Variants in AFG1L observed in about 807,000 individuals in gnomAD.
AFG1L encodes AFG1-like ATPase.
In AFG1L, 53 loss-of-function variants were observed where a neutral mutation model predicts 62.2. The observed-to-expected ratio is 0.85, with a 90% CI of 0.68 to 1.07. The LOEUF (loss-of-function observed/expected upper bound fraction) is 1.07. Among genes scored for constraint, AFG1L ranks in the 50% least tolerant of loss-of-function variants. The pLI, the probability that AFG1L is intolerant of heterozygous loss-of-function variation, is 0.00. For synonymous variants in AFG1L, 228 were observed against 210.3 expected (o/e 1.08, Z -0.73); for missense variants, 555 against 590.5 (o/e 0.94, Z 0.62).
intron 7 of AFG1L, among the ~76,000 whole-genome samples, chr6:108,429,007 T>C (rs1396000225): frequency 6.6e-6 from 1 of 152,176 alleles, no homozygotes; most frequent in African/African-American, 2.4e-5. Context: ...CCTATGCCAA[T>C]GTCCAGAAGA....
intron 7 of AFG1L, among the ~76,000 whole-genome samples, chr6:108,412,650 A>G (rs1273091518): frequency 2.6e-5 from 4 of 152,242 alleles, no homozygotes; most frequent in Admixed American, 1.3e-4. Context: ...CCAGAATTTT[A>G]TATCCAGCCA....
intron 1 of AFG1L, among the ~76,000 whole-genome samples, chr6:108,295,484 A>T (rs2114805389): frequency 6.6e-6 from 1 of 152,074 alleles, no homozygotes; most frequent in African/African-American, 2.4e-5. Context: ...TAGAGAGCTG[A>T]ACCTAGTGGG....
At chr6:108,371,689 T>C (rs1780015266) in intron 6 of AFG1L, among the ~76,000 whole-genome samples, 1 of 152,136 alleles carries the variant, frequency 6.6e-6, no homozygotes, top group Non-Finnish European at 1.5e-5. Context: ...GTTTTTAGCT[T>C]TCTCTTTGTT....
chr6:108,454,597 G>C (rs1772180884), intron 8 of AFG1L, among the ~76,000 whole-genome samples: 1 of 152,112 alleles, frequency 6.6e-6, no homozygotes, highest in South Asian at 2.1e-4. Context: ...GTAAATCAAA[G>C]GTCAGTTTCC....
intron 7 of AFG1L, among the ~76,000 whole-genome samples, chr6:108,406,102 A>G (rs1371152534): frequency 6.6e-6 from 1 of 152,178 alleles, no homozygotes; most frequent in Non-Finnish European, 1.5e-5. Flanking sequence ...TTTGTGTACA[A>G]ATATCTGTTT....
chr6:108,404,137 T>A (rs919352748), intron 7 of AFG1L, among the ~76,000 whole-genome samples: 1 of 152,176 alleles, frequency 6.6e-6, no homozygotes, highest in Non-Finnish European at 1.5e-5. Flanking sequence ...AATATTAACT[T>A]AAGTGACTTT....
intron 6 of AFG1L, among the ~76,000 whole-genome samples, chr6:108,370,391 A>G (rs934722857): frequency 1.1e-4 from 16 of 152,076 alleles, no homozygotes; most frequent in African/African-American, 3.9e-4. Context: ...ATAAGGGTAT[A>G]AGGCAGTGAT....
intron 8 of AFG1L, among the ~76,000 whole-genome samples, chr6:108,475,804 T>C (rs995186571): frequency 1.3e-5 from 2 of 152,236 alleles, no homozygotes; most frequent in Non-Finnish European, 2.9e-5. Flanking sequence ...GGTGCTTGTG[T>C]ATTAAATGCC....
At chr6:108,515,698 C>T (rs147904251) in intron 11 of AFG1L, among the ~76,000 whole-genome samples, 4,290 of 152,110 alleles carry the variant, frequency 0.028, 95 homozygotes, top group Middle Eastern at 0.088. Context: ...TTCAAAAAAT[C>T]AATGAATCCA....
intron 1 of AFG1L, among the ~76,000 whole-genome samples, chr6:108,322,440 G>GTA (rs1224604846): frequency 6.6e-6 from 1 of 152,126 alleles, no homozygotes. Context: ...AATGGGGTAT[G>GTA]TCAGAACTAC....
intron 6 of AFG1L, among the ~76,000 whole-genome samples, chr6:108,385,750 C>G (rs1780735692): frequency 6.6e-6 from 1 of 152,162 alleles, no homozygotes; most frequent in East Asian, 1.9e-4. Flanking sequence ...AACTTTGGAG[C>G]TCAGAGACAG....
chr6:108,332,817 G>A (rs1435903332), intron 2 of AFG1L, among the ~76,000 whole-genome samples: 2 of 152,020 alleles, frequency 1.3e-5, no homozygotes, highest in Admixed American at 6.6e-5. Context: ...ATGTTGCCTC[G>A]GCTGGTCTTA....
At chr6:108,373,082 G>C (rs1562116332) in intron 6 of AFG1L, among the ~76,000 whole-genome samples, 2 of 151,972 alleles carry the variant, frequency 1.3e-5, no homozygotes, top group African/African-American at 2.4e-5. Flanking sequence ...GTGCAGGTTT[G>C]TTACCTATAT....
intron 1 of AFG1L, among the ~76,000 whole-genome samples, chr6:108,319,213 G>A (rs1445374102): frequency 1.3e-5 from 2 of 152,094 alleles, no homozygotes; most frequent in Non-Finnish European, 2.9e-5. Context: ...TATTTCCTAT[G>A]AATAACTTTT....
intron 7 of AFG1L, among the ~76,000 whole-genome samples, chr6:108,412,922 A>C (rs1015283068): frequency 4.6e-5 from 7 of 152,204 alleles, no homozygotes; most frequent in East Asian, 1.9e-4. Context: ...ACAATATTAA[A>C]CTTAAATGTA....
intron 6 of AFG1L, among the ~76,000 whole-genome samples, chr6:108,380,793 G>A (rs1780471354): frequency 1.3e-5 from 2 of 152,118 alleles, no homozygotes; most frequent in South Asian, 4.2e-4. Flanking sequence ...CTCGGGCTTG[G>A]GAGAAGCAAA....
chr6:108,451,739 C>T lies in AFG1L; in HGVS notation c.890+4443C>T, dbSNP rs552900711. Among the ~76,000 whole-genome samples the T allele has an allele frequency of 9.3e-4, 141 of 151,994 alleles. 1 individual carries two copies. The South Asian group carries it at 9.3e-3, about 10-fold the overall frequency. On this transcript the variant is annotated intron_variant, in intron 8 of 12. Coordinates refer to ENST00000368977, the MANE Select transcript of AFG1L (RefSeq NM_145315.5). ...TTTTCATTTTTTTTTGTGGGGGACA[C>T]GGAGTCTTGCTCTGTCACTGGAGGG...
At chr6:108,491,998 A>G (rs1773793987) in intron 10 of AFG1L, among the ~76,000 whole-genome samples, 1 of 152,236 alleles carries the variant, frequency 6.6e-6, no homozygotes, top group South Asian at 2.1e-4. Context: ...AAAGCAAAAC[A>G]AAAGTAACAA....
intron 11 of AFG1L, among the ~76,000 whole-genome samples, chr6:108,513,834 C>G (rs1284772867): frequency 6.6e-6 from 1 of 152,248 alleles, no homozygotes; most frequent in Non-Finnish European, 1.5e-5. Flanking sequence ...GTCCCTGACC[C>G]CCAAGTAGCC....
Sources: allele counts gnomAD v4.1 joint callset (sites outside exome capture counted in the v4.1 genomes callset), GRCh38; gene constraint gnomAD v4.1.1; transcripts MANE v1.5; gene names NCBI Gene and HGNC (gene_info 2026-07-23, HGNC 2026-07-21).